GRHL1: variants seen among roughly 807,000 people sequenced by gnomAD.
The protein encoded by GRHL1 is grainyhead-like protein 1 homolog.
A neutral mutation model predicts 75.7 loss-of-function variants in GRHL1; 38 were observed. The ratio of observed to expected loss-of-function variants is 0.50; its 90% CI spans 0.39 to 0.66. GRHL1 has a LOEUF of 0.66. Among genes scored for constraint, GRHL1 ranks in the 30% least tolerant of loss-of-function variants. The probability of loss-of-function intolerance (pLI) is 0.00; values close to 1 mark genes in which losing one functional copy is unlikely to be tolerated. For synonymous variants in GRHL1, 266 were observed against 279.4 expected, an observed-to-expected ratio of 0.95 and a Z score of 0.48; for missense variants, 589 against 767.5, an observed-to-expected ratio of 0.77 and a Z score of 2.75.
At chr2:9,961,941 A>T (rs1667297721) in intron 4 of GRHL1, among the ~76,000 whole-genome samples, 1 of 152,166 alleles carries the variant, frequency 6.6e-6, no homozygotes, top group South Asian at 2.1e-4. Flanking sequence ...CACTCAGCTA[A>T]AAGTTAGGGA....
chr2:9,991,382 G>A (rs1338662831), intron 10 of GRHL1, among the ~76,000 whole-genome samples: 1 of 152,108 alleles, frequency 6.6e-6, no homozygotes, highest in Non-Finnish European at 1.5e-5. Flanking sequence ...GCAGACATTT[G>A]CCCTGCAACA....
chr2:9,996,170 A>T, intron 13 of GRHL1, 146 bp from the exon 14 acceptor site: 2 of 705,516 alleles, frequency 2.8e-6, no homozygotes, highest in Admixed American at 4.6e-5. Flanking sequence ...GACAGAATTG[A>T]TATTGGCTGA....
Position 10,000,752 on chromosome 2 carries a change from C to T in GRHL1, c.*45C>T, listed in dbSNP as rs1251760423. 9 of 1,094,936 alleles carry T rather than the reference C, an allele frequency of 8.2e-6. No individual in the cohort carries two copies. The highest frequency in any genetic ancestry group is 1.3e-5 in the Non-Finnish European group (9 of 715,836). The allele number at this position is 1,094,936 out of a possible 1,614,324, so 67.8% of individuals were successfully genotyped here. On this transcript the variant is annotated 3_prime_UTR_variant, in exon 16 of 16. Coordinates refer to ENST00000324907, the MANE Select transcript of GRHL1 (RefSeq NM_198182.3). The stretch of plus-strand genomic sequence containing the variant: ...CCCCAGGAGTTCAGTGCAGGTGTTT[C>T]TAGATCTTACGGTTTGGCAACTGCA...
At chr2:9,962,370 A>C (rs2125209985) in intron 4 of GRHL1, 85 bp from the exon 5 acceptor site, 1 of 777,714 alleles carries the variant, frequency 1.3e-6, no homozygotes, top group Non-Finnish European at 2.3e-6. Context: ...TGTAAGCCAC[A>C]TACTTTTATG....
chr2:9,962,590 T>C, intron 5 of GRHL1, 59 bp downstream of exon 5: 2 of 937,362 alleles, frequency 2.1e-6, no homozygotes, highest in South Asian at 1.4e-5. Flanking sequence ...TATTCCTTTC[T>C]TGTTAACTTG....
At chr2:9,962,967 A>G (rs1667337490) in intron 5 of GRHL1, among the ~76,000 whole-genome samples, 1 of 152,122 alleles carries the variant, frequency 6.6e-6, no homozygotes, top group African/African-American at 2.4e-5. Flanking sequence ...CTGAGCTGAC[A>G]ACTTTCTTTT....
At chr2:9,985,252 A>G (rs938156830) in intron 8 of GRHL1, among the ~76,000 whole-genome samples, 1 of 152,252 alleles carries the variant, frequency 6.6e-6, no homozygotes, top group Non-Finnish European at 1.5e-5. Context: ...TCATGGAAAT[A>G]GACCCACCAG....
intron 8 of GRHL1, among the ~76,000 whole-genome samples, chr2:9,970,996 T>C (rs1667701054): frequency 6.6e-6 from 1 of 152,092 alleles, no homozygotes; most frequent in Admixed American, 6.5e-5. Context: ...GAGTTCTTGG[T>C]GAGGGATTAT....
At chr2:9,995,787 T>C in intron 12 of GRHL1, 92 bp from the exon 13 acceptor site, 1 of 734,204 alleles carries the variant, frequency 1.4e-6, no homozygotes, top group East Asian at 2.5e-5. Flanking sequence ...AAAGTCATTT[T>C]AAATCTAGTT....
At chr2:9,954,747 A>G in intron 1 of GRHL1, 168 bp from the exon 2 acceptor site, 1 of 675,558 alleles carries the variant, frequency 1.5e-6, no homozygotes, top group Non-Finnish European at 2.6e-6. Context: ...TGTGGGACCC[A>G]TTGGTCTGCA....
At chr2:9,953,096 A>G in intron 1 of GRHL1, 1 of 456,698 alleles carries the variant, frequency 2.2e-6, no homozygotes, top group Non-Finnish European at 4.4e-6. Context: ...AGTTTAGATA[A>G]GGCAAATTTT....
In GRHL1 at chr2:9,957,077, T is replaced by G. The variant is rs569432405; in HGVS notation, c.208-1709T>G. On this transcript the variant is annotated intron_variant, in intron 2 of 15. Transcript: ENST00000324907. ...GTGTGGTGGTGCAGTCATAGCTCAC[T>G]GCAACCTCAACCTCCTGGGGTTGAC... Among the ~76,000 whole-genome samples, 4 of 151,786 alleles carry G rather than the reference T, an allele frequency of 2.6e-5. No homozygotes were observed. In the East Asian group the frequency reaches 7.7e-4, roughly 29 times the overall value.
At chr2:9,970,065 G>T (rs926285890) in intron 8 of GRHL1, among the ~76,000 whole-genome samples, 1 of 151,944 alleles carries the variant, frequency 6.6e-6, no homozygotes, top group Non-Finnish European at 1.5e-5. Context: ...GGATGGTCTC[G>T]ATCTCCTGAC....
In GRHL1 at chr2:9,965,296, A is replaced by G. The variant is rs1157383221; in HGVS notation, c.1025A>G (p.Lys342Arg). 6.3e-7 allele frequency: 1 copy of G among 1,595,356 alleles called. No homozygotes were observed. Among genetic ancestry groups the G allele is most frequent in the South Asian group, 1.1e-5 (1 of 90,716 alleles). ...KQRCIDIADYKESFNTISNIE... is the reference protein window; with the variant it reads ...KQRCIDIADYRESFNTISNIE... ...CCACCGCTTCCTGTAGCTGACTATA[A>G]AGAAAGCTTCAACACTATCAGTAAC... Residue 342 changes from lysine to arginine, a missense_variant, in exon 8 of 16, where the codon AAA becomes AGA. Around this residue, in one of 5 missense-constraint regions of GRHL1, gnomAD observed 362 missense variants for 461.8 expected, o/e 0.78. Transcript: ENST00000324907.
At chr2:9,956,196 A>T (rs1667014794) in intron 2 of GRHL1, among the ~76,000 whole-genome samples, 1 of 152,216 alleles carries the variant, frequency 6.6e-6, no homozygotes, top group Non-Finnish European at 1.5e-5. Context: ...CTTTACCCAG[A>T]ATCGCCAGTT....
At chr2:9,960,216 A>C (rs1345019907) in intron 3 of GRHL1, 1 of 152,240 alleles carries the variant, frequency 6.6e-6, no homozygotes, top group Admixed American at 6.5e-5. Flanking sequence ...AGGCAGGTGG[A>C]TCACCTGAGG....
At chr2:9,991,502 G>C (rs1013895815) in intron 10 of GRHL1, among the ~76,000 whole-genome samples, 29 of 150,550 alleles carry the variant, frequency 1.9e-4, no homozygotes, top group African/African-American at 6.9e-4. Context: ...GGGCCAGCCA[G>C]ATCATTGGGG....
chr2:9,998,568 A>ATATACG, intron 14 of GRHL1, among the ~76,000 whole-genome samples: 1 of 77,474 alleles, frequency 1.3e-5, no homozygotes, highest in South Asian at 3.7e-4. Context: ...GTGTACATGT[A>ATATACG]TATATATACA....
intron 6 of GRHL1, 22 bp downstream of exon 6, chr2:9,964,064 G>A (rs1357555299): frequency 1.0e-5 from 16 of 1,605,376 alleles, no homozygotes; most frequent in Non-Finnish European, 1.3e-5. Flanking sequence ...TCTTAGTCCT[G>A]TTCTCTAGGA....
Sources: allele counts gnomAD v4.1 joint callset (sites outside exome capture counted in the v4.1 genomes callset), GRCh38; gene constraint gnomAD v4.1.1; regional missense constraint gnomAD v4.1.1; transcripts MANE v1.5; gene names NCBI Gene and HGNC (gene_info 2026-07-23, HGNC 2026-07-21).